The following CSMD1 variants were observed in gnomAD, a reference collection of about 807,000 sequenced individuals.
The protein encoded by CSMD1 is CUB and sushi domain-containing protein 1.
CSMD1 carries 213 observed loss-of-function variants against 417.5 expected under a neutral mutation model. The observed-to-expected ratio is 0.51, with a 90% CI of 0.46 to 0.57. The LOEUF (loss-of-function observed/expected upper bound fraction) is 0.57. CSMD1 is among the 20% of genes least tolerant of loss of function. The pLI, the probability that CSMD1 is intolerant of heterozygous loss-of-function variation, is 0.00. For missense variants in CSMD1, 6,923 were observed against 4,529.7 expected, an observed-to-expected ratio of 1.53 and a Z score of -15.17; for synonymous variants, 2,862 against 1,736.8, an observed-to-expected ratio of 1.65 and a Z score of -16.11.
chr8:4,534,731 C>G (rs913181782), intron 2 of CSMD1, among the ~76,000 whole-genome samples: 1 of 152,066 alleles, frequency 6.6e-6, no homozygotes, highest in African/African-American at 2.4e-5. Flanking sequence ...GGATTATGAC[C>G]TCCAACTCCA....
chr8:3,498,928 C>G (rs1332557828), intron 10 of CSMD1, among the ~76,000 whole-genome samples: 1 of 151,976 alleles, frequency 6.6e-6, no homozygotes, highest in East Asian at 1.9e-4. Context: ...TATTTTTATT[C>G]TACTGATTCT....
chr8:4,766,159 C>G (rs1289620014), intron 1 of CSMD1, among the ~76,000 whole-genome samples: 1 of 152,116 alleles, frequency 6.6e-6, no homozygotes, highest in Non-Finnish European at 1.5e-5. Flanking sequence ...GTGTACTAGT[C>G]CTGTAGACCT....
At chr8:4,594,476 A>G (rs566245122) in intron 2 of CSMD1, among the ~76,000 whole-genome samples, 1 of 152,190 alleles carries the variant, frequency 6.6e-6, no homozygotes, top group Admixed American at 6.5e-5. Context: ...CTGGGCTTAA[A>G]AGTGTGAGCC....
chr8:4,224,606 G>A (rs985262439), intron 3 of CSMD1, among the ~76,000 whole-genome samples: 2 of 152,154 alleles, frequency 1.3e-5, no homozygotes, highest in Admixed American at 1.3e-4. Context: ...ACTTTGCAAA[G>A]GTTATGACTT....
intron 1 of CSMD1, among the ~76,000 whole-genome samples, chr8:4,801,214 A>T (rs932372653): frequency 6.6e-6 from 1 of 152,200 alleles, no homozygotes; most frequent in Non-Finnish European, 1.5e-5. Flanking sequence ...TCTTAGCTAA[A>T]TCTTATTGCG....
intron 1 of CSMD1, among the ~76,000 whole-genome samples, chr8:4,641,285 G>A (rs533698140): frequency 1.5e-4 from 23 of 152,034 alleles, no homozygotes; most frequent in Admixed American, 6.5e-4. Context: ...ATCTGTTACC[G>A]AAATAATAAT....
chr8:3,959,301 A>C (rs577714111), intron 5 of CSMD1, among the ~76,000 whole-genome samples: 45 of 152,324 alleles, frequency 3.0e-4, no homozygotes, highest in Admixed American at 5.9e-4. Context: ...ATGTGGGATC[A>C]GCCTGGGCAA....
intron 5 of CSMD1, among the ~76,000 whole-genome samples, chr8:3,827,861 G>C (rs35099007): frequency 0.18 from 27,609 of 152,146 alleles, 3,191 homozygotes; most frequent in Middle Eastern, 0.28. Flanking sequence ...TCACAGAAGA[G>C]CACTTCTGAT....
chr8:4,415,781 G>A (rs566514228), intron 3 of CSMD1, among the ~76,000 whole-genome samples: 4 of 152,172 alleles, frequency 2.6e-5, no homozygotes, highest in African/African-American at 9.7e-5. Context: ...ATAGCAATGT[G>A]TATGAGCACA....
intron 18 of CSMD1, 127 bp from the exon 19 acceptor site, chr8:3,369,497 C>G (rs1377255520): frequency 1.7e-6 from 1 of 597,862 alleles, no homozygotes; most frequent in Non-Finnish European, 3.0e-6. Context: ...CCAAGAAAAA[C>G]CAAGCAGAAC....
At chr8:3,720,570 C>A (rs1298025505) in intron 6 of CSMD1, among the ~76,000 whole-genome samples, 1 of 150,674 alleles carries the variant, frequency 6.6e-6, no homozygotes, top group Non-Finnish European at 1.5e-5. Flanking sequence ...AGGGGTGACA[C>A]TTCACAGTAG....
Position 3,004,982 on chromosome 8 carries a change from T to C in CSMD1, c.8030-4851A>G, listed in dbSNP as rs186147130. Among the ~76,000 whole-genome samples the C allele has an allele frequency of 3.1e-3, 476 of 152,038 alleles. 1 individual carries two copies. The highest frequency in any genetic ancestry group is 0.011 in the African/African-American group (444 of 41,478). ...GGTGAAAGCCCATCTCTACTAAAAA[T>C]ACAAAAATTAGCTGAGCAAGGTGGC... On this transcript the variant is annotated intron_variant, in intron 52 of 69. Transcript: ENST00000635120.
intron 1 of CSMD1, among the ~76,000 whole-genome samples, chr8:4,746,469 C>G (rs143892450): frequency 1.3e-5 from 2 of 152,312 alleles, no homozygotes; most frequent in African/African-American, 4.8e-5. Context: ...CAGGCTCCCT[C>G]AAGAATGAGT....
At chr8:4,083,165 T>C (rs1800231510) in intron 3 of CSMD1, among the ~76,000 whole-genome samples, 1 of 152,134 alleles carries the variant, frequency 6.6e-6, no homozygotes, top group African/African-American at 2.4e-5. Context: ...GTATTTCTGG[T>C]TCTAGATCCC....
chr8:4,679,270 G>C (rs377486338), intron 1 of CSMD1, among the ~76,000 whole-genome samples: 6 of 152,180 alleles, frequency 3.9e-5, no homozygotes, highest in African/African-American at 1.4e-4. Context: ...GAACACCCGA[G>C]AAGGTAGCTT....
intron 3 of CSMD1, among the ~76,000 whole-genome samples, chr8:4,080,064 C>T (rs547029298): frequency 9.9e-5 from 15 of 151,528 alleles, no homozygotes; most frequent in African/African-American, 2.7e-4. Flanking sequence ...ATCTACGACT[C>T]ATCTGACAAC....
intron 37 of CSMD1, among the ~76,000 whole-genome samples, chr8:3,177,875 G>A (rs1333112428): frequency 3.7e-5 from 5 of 136,074 alleles, no homozygotes; most frequent in African/African-American, 1.4e-4. Flanking sequence ...TGCACTCTAA[G>A]ATATCTGGAT....
In CSMD1 at chr8:4,137,564, C is replaced by T. The variant is rs1402330557; in HGVS notation, c.416-105465G>A. Among the ~76,000 whole-genome samples, 3 of 130,810 alleles carry T rather than the reference C, an allele frequency of 2.3e-5. 1 individual carries two copies. The highest frequency in any genetic ancestry group is 5.3e-5 in the Non-Finnish European group (3 of 56,408). The allele number at this position is 130,810 out of a possible 152,430, so 85.8% of individuals were successfully genotyped here. A position where few individuals can be genotyped will look rare whatever the true frequency, so the allele number is the denominator to read the frequency against. On this transcript the variant is annotated intron_variant, in intron 3 of 69. Transcript: ENST00000635120. ...TGTATTATGTTTTCTTTGATGGTTACAAGATTTGATGTTAATGGAACTGGT... is the reference window on the plus strand; with the variant it reads ...TGTATTATGTTTTCTTTGATGGTTATAAGATTTGATGTTAATGGAACTGGT...
chr8:3,332,100 C>T (rs1005986747), intron 23 of CSMD1, among the ~76,000 whole-genome samples: 5 of 152,004 alleles, frequency 3.3e-5, no homozygotes, highest in South Asian at 2.1e-4. Flanking sequence ...ATGATAGATA[C>T]GTAGGGATAG....
Sources: gnomAD v4.1 joint callset for allele counts (sites outside exome capture counted in the v4.1 genomes callset) on GRCh38, gnomAD v4.1.1 for gene constraint, MANE v1.5 for transcripts, NCBI Gene and HGNC (gene_info 2026-07-23, HGNC 2026-07-21) for gene names.